The following ROR1 variants were observed in gnomAD, a reference collection of about 807,000 sequenced individuals.
The protein encoded by ROR1 is inactive tyrosine-protein kinase transmembrane receptor ROR1.
ROR1 carries 19 observed loss-of-function variants against 78.8 expected under a neutral mutation model. The observed-to-expected ratio is 0.24, with a 90% CI of 0.17 to 0.35. ROR1 has a LOEUF of 0.35. Among genes scored for constraint, ROR1 ranks in the 10% least tolerant of loss-of-function variants. The pLI is 1.00. For synonymous variants in ROR1, 386 were observed against 433.6 expected, an observed-to-expected ratio of 0.89 and a Z score of 1.36; for missense variants, 917 against 1,177.8, an observed-to-expected ratio of 0.78 and a Z score of 3.24.
intron 1 of ROR1, among the ~76,000 whole-genome samples, chr1:63,839,537 T>C (rs1275855987): frequency 6.6e-6 from 1 of 152,074 alleles, no homozygotes; most frequent in Non-Finnish European, 1.5e-5. Flanking sequence ...TTATTGCAAT[T>C]AAAAAAGGTG....
chr1:63,877,918 G>T (rs1267620275), intron 1 of ROR1, among the ~76,000 whole-genome samples: 3 of 152,154 alleles, frequency 2.0e-5, no homozygotes, highest in African/African-American at 7.2e-5. Context: ...ATGTGCGCAG[G>T]TGAGGCTTTG....
intron 4 of ROR1, among the ~76,000 whole-genome samples, chr1:64,069,034 A>T (rs1216224014): frequency 6.6e-6 from 1 of 152,156 alleles, no homozygotes; most frequent in African/African-American, 2.4e-5. Context: ...CTGTATCTGA[A>T]AGTGGTTTTA....
At chr1:63,838,515 A>T (rs943148558) in intron 1 of ROR1, among the ~76,000 whole-genome samples, 11 of 152,136 alleles carry the variant, frequency 7.2e-5, no homozygotes, top group African/African-American at 2.4e-4. Context: ...AAAAAAGCTT[A>T]TGGAATAAGG....
At chr1:63,867,872 A>T (rs1159459696) in intron 1 of ROR1, among the ~76,000 whole-genome samples, 2 of 152,216 alleles carry the variant, frequency 1.3e-5, no homozygotes, top group Non-Finnish European at 2.9e-5. Flanking sequence ...TCTTTTCCCG[A>T]TTCCGGCTGT....
At chr1:64,068,196 T>C (rs990585517) in intron 4 of ROR1, among the ~76,000 whole-genome samples, 2 of 152,198 alleles carry the variant, frequency 1.3e-5, no homozygotes, top group African/African-American at 2.4e-5. Flanking sequence ...TGTTTATTTG[T>C]ATTGTGAAAA....
intron 1 of ROR1, among the ~76,000 whole-genome samples, chr1:63,813,754 T>A (rs1644873970): frequency 6.6e-6 from 1 of 152,248 alleles, no homozygotes; most frequent in South Asian, 2.1e-4. Flanking sequence ...GGTGGAAATG[T>A]CCAACAAAGA....
At chr1:63,915,112 T>C (rs1262918207) in intron 1 of ROR1, among the ~76,000 whole-genome samples, 4 of 152,192 alleles carry the variant, frequency 2.6e-5, no homozygotes, top group African/African-American at 9.7e-5. Flanking sequence ...CTTTTAAACA[T>C]ACAAAAACTG....
chr1:63,908,791 C>T (rs1645547060), intron 1 of ROR1, among the ~76,000 whole-genome samples: 1 of 152,226 alleles, frequency 6.6e-6, no homozygotes. Flanking sequence ...GCTCCTGGTG[C>T]AGCAGAACCC....
chr1:64,011,013 G>T (rs1053832205), intron 2 of ROR1, among the ~76,000 whole-genome samples: 1 of 152,122 alleles, frequency 6.6e-6, no homozygotes, highest in African/African-American at 2.4e-5. Flanking sequence ...TACATTCACT[G>T]TAAGTTGTAT....
intron 1 of ROR1, among the ~76,000 whole-genome samples, chr1:63,784,570 C>T (rs1644672198): frequency 6.6e-6 from 1 of 152,206 alleles, no homozygotes; most frequent in South Asian, 2.1e-4. Flanking sequence ...TACTTAAAAA[C>T]AGGATTTTCC....
intron 4 of ROR1, among the ~76,000 whole-genome samples, chr1:64,107,571 G>C (rs1447929660): frequency 6.7e-6 from 1 of 149,464 alleles, no homozygotes; most frequent in South Asian, 2.1e-4. Flanking sequence ...TTAAATAAGG[G>C]AACTAGGGGT....
At chr1:64,140,554 A>G in intron 6 of ROR1, 128 bp downstream of exon 6, 1 of 800,486 alleles carries the variant, frequency 1.2e-6, no homozygotes, top group African/African-American at 1.7e-5. Flanking sequence ...TGGGCTGAGT[A>G]CTGTGCCTGA....
rs568985695 is a variant in ROR1, at chr1:63,931,756, G to A, written c.92-77549G>A. 2.6e-5 allele frequency among the ~76,000 whole-genome samples: 4 copies of A among 152,220 alleles called. No individual in the cohort carries two copies. The South Asian group carries it at 8.3e-4, about 32-fold the overall frequency. ...TGTATACTCATCTTGGTATCACAGT[G>A]CTTGTGTTTGAGTAACTCTTATTTT... On this transcript the variant is annotated intron_variant, in intron 1 of 8. Transcript: ENST00000371079.
At chr1:63,804,581 T>C (rs929177784) in intron 1 of ROR1, among the ~76,000 whole-genome samples, 7 of 152,338 alleles carry the variant, frequency 4.6e-5, no homozygotes, top group Admixed American at 2.0e-4. Flanking sequence ...AGCGTGGACA[T>C]CTGTTCAGGG....
intron 1 of ROR1, among the ~76,000 whole-genome samples, chr1:63,950,805 A>G (rs1410182505): frequency 2.0e-5 from 3 of 152,238 alleles, no homozygotes; most frequent in African/African-American, 7.2e-5. Context: ...TTTAAGGGGA[A>G]TACATGAGAG....
chr1:63,786,353 A>C (rs1644687025), intron 1 of ROR1, among the ~76,000 whole-genome samples: 1 of 138,512 alleles, frequency 7.2e-6, no homozygotes. Flanking sequence ...GCTCACTGCA[A>C]GCTCCGCCTC....
chr1:63,884,062 G>A lies in ROR1; in HGVS notation c.91+109554G>A, dbSNP rs542383138. Among the ~76,000 whole-genome samples the A allele has an allele frequency of 4.6e-5, 7 of 152,322 alleles. No homozygotes were observed. In the South Asian group the frequency reaches 1.5e-3, roughly 32 times the overall value. ...AAGGAACATCACAGGTTTTACTCAA[G>A]TGGAGTAATCCCTTCCTGATTTACA... On this transcript the variant is annotated intron_variant, in intron 1 of 8. Coordinates refer to ENST00000371079, the MANE Select transcript of ROR1 (RefSeq NM_005012.4).
intron 1 of ROR1, among the ~76,000 whole-genome samples, chr1:63,964,998 C>T (rs1646061758): frequency 6.6e-6 from 1 of 152,172 alleles, no homozygotes; most frequent in African/African-American, 2.4e-5. Context: ...TTCCTTATGG[C>T]CTTATCTCTC....
At chr1:64,156,484 G>A (rs1359909583) in intron 7 of ROR1, among the ~76,000 whole-genome samples, 6 of 152,028 alleles carry the variant, frequency 3.9e-5, no homozygotes, top group Admixed American at 6.6e-5. Context: ...CGAGGCAGGC[G>A]GATCACGAGG....
Sources: allele counts gnomAD v4.1 joint callset (sites outside exome capture counted in the v4.1 genomes callset), GRCh38; gene constraint gnomAD v4.1.1; transcripts MANE v1.5; gene names NCBI Gene and HGNC (gene_info 2026-07-23, HGNC 2026-07-21).